Variants in MTREX observed in about 807,000 individuals in gnomAD.
MTREX encodes exosome RNA helicase MTR4.
In MTREX, 76 loss-of-function variants were observed where a neutral mutation model predicts 135.4. The ratio of observed to expected loss-of-function variants is 0.56; its 90% confidence interval spans 0.47 to 0.68. MTREX has a LOEUF of 0.68. MTREX is among the 30% of genes least tolerant of loss of function. The pLI, the probability that MTREX is intolerant of heterozygous loss-of-function variation, is 0.00. For synonymous variants in MTREX, 404 were observed against 401.6 expected (o/e 1.01, Z -0.07); for missense variants, 920 against 1,262.1 (o/e 0.73, Z 4.11).
intron 6 of MTREX, among the ~76,000 whole-genome samples, chr5:55,341,275 C>T (rs1749644826): frequency 6.6e-6 from 1 of 152,056 alleles, no homozygotes; most frequent in Non-Finnish European, 1.5e-5. Context: ...AGGGATGATC[C>T]AGTGTTTTGA....
intron 19 of MTREX, 47 bp downstream of exon 19, chr5:55,388,149 T>C (rs16884123): frequency 0.1 from 157,041 of 1,535,460 alleles, 9,719 homozygotes; most frequent in East Asian, 0.26. Flanking sequence ...TTCTGTAACT[T>C]ATTTGTCATC....
In MTREX at chr5:55,400,222, A is replaced by AT; in HGVS notation, c.2293-4dup. On this transcript the variant is annotated splice_polypyrimidine_tract_variant and intron_variant, in intron 20 of 26. Coordinates refer to ENST00000230640, the MANE Select transcript of MTREX (RefSeq NM_015360.5). ...TATAAGATGAAAATGAATTTTACATATTTTTTTCAGGAAGTTCAGAAACGT... is the reference window on the plus strand; with the variant it reads ...TATAAGATGAAAATGAATTTTACATATTTTTTTTCAGGAAGTTCAGAAACGT... The AT allele has an allele frequency of 3.9e-6, 6 of 1,542,380 alleles. No individual in the cohort carries two copies. The highest frequency in any genetic ancestry group is 2.8e-5 in the African/African-American group (2 of 72,392).
chr5:55,389,076 T>C, intron 19 of MTREX, among the ~76,000 whole-genome samples: 1 of 152,248 alleles, frequency 6.6e-6, no homozygotes, highest in East Asian at 1.9e-4. Context: ...ATTCTGAATA[T>C]TACCTAAACT....
chr5:55,360,418 T>G (rs1308486465), intron 15 of MTREX, among the ~76,000 whole-genome samples: 1 of 152,090 alleles, frequency 6.6e-6, no homozygotes, highest in Non-Finnish European at 1.5e-5. Context: ...TTTTTTTTTT[T>G]TACAAGTCTT....
At chr5:55,415,650 A>G (rs971594911) in intron 24 of MTREX, among the ~76,000 whole-genome samples, 3 of 152,234 alleles carry the variant, frequency 2.0e-5, no homozygotes, top group Non-Finnish European at 4.4e-5. Context: ...TAATGAAATA[A>G]TTAGAGATTA....
chr5:55,397,703 G>A (rs230798), intron 20 of MTREX, among the ~76,000 whole-genome samples, 177 bp downstream of exon 20: 130,703 of 152,052 alleles, frequency 0.86, 56,565 homozygotes, highest in South Asian at 0.92. Flanking sequence ...ATGTGGATTT[G>A]TACTCTCTTT....
intron 21 of MTREX, among the ~76,000 whole-genome samples, chr5:55,400,902 A>T (rs776688245): frequency 4.6e-5 from 7 of 152,246 alleles, no homozygotes; most frequent in Non-Finnish European, 7.3e-5. Context: ...TCTTATAAAT[A>T]GAATCATGTA....
intron 18 of MTREX, among the ~76,000 whole-genome samples, 192 bp downstream of exon 18, chr5:55,379,387 G>A (rs185665803): frequency 2.9e-4 from 44 of 152,252 alleles, no homozygotes; most frequent in African/African-American, 1.0e-3. Context: ...GTTTTGCCAT[G>A]TTGGCCAAGC....
intron 12 of MTREX, among the ~76,000 whole-genome samples, chr5:55,350,016 A>G (rs1408748899): frequency 6.6e-6 from 1 of 152,240 alleles, no homozygotes; most frequent in Non-Finnish European, 1.5e-5. Context: ...GAGGAATTTA[A>G]CATACCTACT....
At chr5:55,317,381 A>G (rs1579844821) in intron 1 of MTREX, among the ~76,000 whole-genome samples, 1 of 152,240 alleles carries the variant, frequency 6.6e-6, no homozygotes, top group African/African-American at 2.4e-5. Flanking sequence ...ACTTCAAACT[A>G]TACTACAAGG....
chr5:55,422,652 G>A (rs1421405247), intron 25 of MTREX, among the ~76,000 whole-genome samples: 1 of 152,168 alleles, frequency 6.6e-6, no homozygotes, highest in East Asian at 1.9e-4. Context: ...TTAATACCAA[G>A]TGTCAGCATG....
At chr5:55,383,354 T>C (rs915225818) in intron 18 of MTREX, among the ~76,000 whole-genome samples, 2 of 152,208 alleles carry the variant, frequency 1.3e-5, no homozygotes, top group Non-Finnish European at 2.9e-5. Flanking sequence ...GTAAGGTGGA[T>C]CTGCCAGAAA....
At chr5:55,312,452 A>G (rs1749129938) in intron 1 of MTREX, among the ~76,000 whole-genome samples, 1 of 152,046 alleles carries the variant, frequency 6.6e-6, no homozygotes, top group African/African-American at 2.4e-5. Flanking sequence ...ACTGAAGTGC[A>G]GTAAACCACC....
At chr5:55,308,687 TC>T (rs1749030787) in intron 1 of MTREX, among the ~76,000 whole-genome samples, 1 of 152,154 alleles carries the variant, frequency 6.6e-6, no homozygotes, top group African/African-American at 2.4e-5. Context: ...TAGCTAGCTA[TC>T]ACTAATAAAT....
At chr5:55,419,704 G>A (rs974184281) in intron 25 of MTREX, among the ~76,000 whole-genome samples, 2 of 152,146 alleles carry the variant, frequency 1.3e-5, no homozygotes, top group African/African-American at 4.8e-5. Flanking sequence ...GCTTTCCACT[G>A]AGCAAGTGTC....
chr5:55,407,957 T>C (rs1443818337), intron 22 of MTREX, among the ~76,000 whole-genome samples: 2 of 152,068 alleles, frequency 1.3e-5, no homozygotes, highest in Non-Finnish European at 2.9e-5. Flanking sequence ...AGGGTCTTGC[T>C]ATGTTGCCCA....
chr5:55,348,162 C>T (rs1003540305), intron 11 of MTREX, among the ~76,000 whole-genome samples: 2 of 152,144 alleles, frequency 1.3e-5, no homozygotes, highest in Non-Finnish European at 2.9e-5. Flanking sequence ...AGGGACCCAG[C>T]ACATCTAGTG....
chr5:55,309,020 A>G (rs182553088), intron 1 of MTREX, among the ~76,000 whole-genome samples: 89 of 152,290 alleles, frequency 5.8e-4, no homozygotes, highest in African/African-American at 2.0e-3. Context: ...CGTTAACTTA[A>G]AATGAATGAT....
At chr5:55,401,814 T>G (rs1750726997) in intron 21 of MTREX, among the ~76,000 whole-genome samples, 1 of 152,222 alleles carries the variant, frequency 6.6e-6, no homozygotes, top group Admixed American at 6.5e-5. Flanking sequence ...ACACAATCCT[T>G]TCCACTACCT....
Sources: gnomAD v4.1 joint callset for allele counts (sites outside exome capture counted in the v4.1 genomes callset) on GRCh38, gnomAD v4.1.1 for gene constraint, MANE v1.5 for transcripts, NCBI Gene and HGNC (gene_info 2026-07-23, HGNC 2026-07-21) for gene names.